LHX6: variants seen among roughly 807,000 people sequenced by gnomAD.
The protein encoded by LHX6 is LIM homeobox 6.
Under a neutral mutation model 47.1 loss-of-function variants are expected in LHX6, and 15 were observed. That is an observed-to-expected ratio of 0.32 (90% CI 0.21 to 0.49). LHX6 has a LOEUF of 0.49. LHX6 is among the 20% of genes least tolerant of loss of function. The pLI is 0.99. For missense variants in LHX6, 404 were observed against 539.6 expected (o/e 0.75, Z 2.49); for synonymous variants, 242 against 233.5 (o/e 1.04, Z -0.33).
In LHX6 at chr9:122,213,980, G is replaced by T. The variant is rs1830493994; in HGVS notation, c.873C>A (p.Val291=). ...LADMTGLSRR[V]IQVWFQNCRA... ...CCGCCCACCCCCGTCCCACCTGGAT[G>T]ACTCTCCGGCTGAGGCCCGTCATGT... The change falls in exon 7 of 10, where the codon GTC becomes GTA. Residue 291 remains valine, a synonymous_variant. Coordinates refer to ENST00000394319, the MANE Select transcript of LHX6 (RefSeq NM_014368.5). The surrounding 1 kb of genome is among the most constrained non-coding windows in gnomAD (Gnocchi z 5.5). The T allele has an allele frequency of 2.1e-6, 3 of 1,416,514 alleles. No homozygotes were observed. In the Admixed American group the frequency reaches 5.0e-5, roughly 24 times the overall value. 87.7% of individuals were successfully genotyped at this position (1,416,514 alleles called of 1,614,324 possible).
At chr9:122,205,904 G>A (rs553684940) in intron 9 of LHX6, among the ~76,000 whole-genome samples, 2 of 152,140 alleles carry the variant, frequency 1.3e-5, no homozygotes, top group East Asian at 1.9e-4. Context: ...CTGGGATTCC[G>A]AGCTGGCCTA....
chr9:122,216,467 G>C (rs920927234), intron 5 of LHX6, among the ~76,000 whole-genome samples: 5 of 152,214 alleles, frequency 3.3e-5, no homozygotes, highest in African/African-American at 1.2e-4. Flanking sequence ...CTGAGGCCCA[G>C]AGAGAAAAGG....
intron 5 of LHX6, among the ~76,000 whole-genome samples, chr9:122,216,553 A>G (rs577636819): frequency 6.6e-6 from 1 of 152,320 alleles, no homozygotes; most frequent in Admixed American, 6.5e-5. Flanking sequence ...CCTTATAGTT[A>G]GAGACCCTGG....
Position 122,207,894 on chromosome 9 carries a change from G to A in LHX6, c.1158+1720C>T, listed in dbSNP as rs1304127388. Among the ~76,000 whole-genome samples the A allele has an allele frequency of 4.6e-5, 7 of 152,124 alleles. No individual in the cohort carries two copies. The South Asian group carries it at 1.5e-3, about 32-fold the overall frequency. On this transcript the variant is annotated intron_variant, in intron 9 of 9. Transcript: ENST00000394319. ...CTGAGAGCGAGGCTTAGGAATCTCT[G>A]TATATTTACAAGCTGCCCAGGTGAT... is the stretch of plus-strand genomic sequence containing the variant.
chr9:122,227,566 T>TTA, intron 1 of LHX6, 86 bp from the exon 2 acceptor site: 1 of 1,432,176 alleles, frequency 7.0e-7, no homozygotes, highest in South Asian at 1.4e-5. Flanking sequence ...CCCGCGCCTG[T>TTA]TATATAAACC....
Position 122,213,966 on chromosome 9 carries a change from C to CCGGCCCCCCGGGG in LHX6, c.879+7_879+8insCCCCGGGGGGCCG. ...GCGGTCCCCAGGCCCCGCCCACCCC[C>CCGGCCCCCCGGGG]GTCCCACCTGGATGACTCTCCGGCT... On this transcript the variant is annotated splice_region_variant and intron_variant, in intron 7 of 9. Transcript: ENST00000394319. The surrounding 1 kb of genome is among the most constrained non-coding windows in gnomAD (Gnocchi z 5.5). 1.3e-6 allele frequency: 2 copies of CCGGCCCCCCGGGG among 1,580,106 alleles called. No individual in the cohort carries two copies. Among genetic ancestry groups the CCGGCCCCCCGGGG allele is most frequent in the Non-Finnish European group, 1.7e-6 (2 of 1,161,518 alleles).
At chr9:122,208,653 G>A (rs1039614086) in intron 9 of LHX6, among the ~76,000 whole-genome samples, 4 of 151,890 alleles carry the variant, frequency 2.6e-5, no homozygotes, top group Non-Finnish European at 4.4e-5. Context: ...CCTACGTGGC[G>A]AAACCCCATC....
At chr9:122,208,833 C>CT (rs1441892825) in intron 9 of LHX6, among the ~76,000 whole-genome samples, 741 of 48,112 alleles carry the variant, frequency 0.015, 5 homozygotes, top group African/African-American at 0.051. Context: ...GAAACTCTGT[C>CT]TAAAAAAAAA....
intron 4 of LHX6, among the ~76,000 whole-genome samples, chr9:122,220,843 C>A (rs906526689): frequency 6.6e-6 from 1 of 152,220 alleles, no homozygotes; most frequent in East Asian, 1.9e-4. Flanking sequence ...ATGAAGGGAG[C>A]CCTGCGCCCT....
At chr9:122,228,261 C>T in intron 1 of LHX6, 1 of 1,534,874 alleles carries the variant, frequency 6.5e-7, no homozygotes. Flanking sequence ...GAGAGGCGCT[C>T]AAGGGGAGGA....
chr9:122,221,390 C>A, intron 4 of LHX6: 1 of 985,664 alleles, frequency 1.0e-6, no homozygotes, highest in Non-Finnish European at 1.2e-6. Flanking sequence ...GGCCGCTTCC[C>A]GCTCTGCGCT....
Position 122,226,920 on chromosome 9 carries a change from G to T in LHX6, c.267C>A (p.Ser89=). Residue 89 remains serine (S), a synonymous_variant, in exon 3 of 10, where the codon TCC becomes TCA. Coordinates refer to ENST00000394319, the MANE Select transcript of LHX6 (RefSeq NM_014368.5). The surrounding 1 kb of genome is among the most constrained non-coding windows in gnomAD (Gnocchi z 6.5). ...TGTTCTTGCCTGCAGACGGCACGGA[G>T]GAGGCGGCAGAGGGCGGTGAGCAGA... ...PSVCSPPSAA[S]SVPSAGKNIC... 1 of 1,561,988 alleles carries T rather than the reference G, an allele frequency of 6.4e-7. No homozygotes were observed. The highest frequency in any genetic ancestry group is 8.7e-7 in the Non-Finnish European group (1 of 1,153,082).
At chr9:122,215,043 C>T (rs1322193135) in intron 5 of LHX6, among the ~76,000 whole-genome samples, 1 of 152,218 alleles carries the variant, frequency 6.6e-6, no homozygotes, top group Non-Finnish European at 1.5e-5. Context: ...CTTTTACAGT[C>T]ATACTAAAAC....
rs1362989140 is a variant in LHX6 at position 122,214,941 on chromosome 9, T to C, written c.683-558A>G. On this transcript the variant is annotated intron_variant, in intron 5 of 9. Transcript: ENST00000394319. This position sits in a 1 kb window ranked among gnomAD's most constrained non-coding sequence, Gnocchi z 4.6. ...TTCAGTATTCCTGTAACTTTTGAGGTATTTAAAAACAATCATATGTTGCCT... is the reference window on the plus strand; with the variant it reads ...TTCAGTATTCCTGTAACTTTTGAGGCATTTAAAAACAATCATATGTTGCCT... Among the ~76,000 whole-genome samples the C allele has an allele frequency of 6.6e-6, 1 of 152,254 alleles. No individual in the cohort carries two copies. Among genetic ancestry groups the C allele is most frequent in the Admixed American group, 6.5e-5 (1 of 15,282 alleles).
chr9:122,221,083 G>A (rs1342245801), intron 4 of LHX6: 3 of 985,390 alleles, frequency 3.0e-6, no homozygotes, highest in Non-Finnish European at 3.6e-6. Context: ...AACTCAAACG[G>A]AGGTTCACTT....
At chr9:122,204,906 GCT>G (rs1198816836) in intron 9 of LHX6, 126 bp from the exon 10 acceptor site, 1 of 567,560 alleles carries the variant, frequency 1.8e-6, no homozygotes, top group Non-Finnish European at 2.9e-6. Flanking sequence ...TTAAATCCTG[GCT>G]CTGTCAACTG....
intron 8 of LHX6, among the ~76,000 whole-genome samples, chr9:122,212,647 G>A (rs970731406): frequency 4.6e-5 from 7 of 152,086 alleles, no homozygotes; most frequent in African/African-American, 1.7e-4. Context: ...AGAAATCCCC[G>A]GGGCTCCTCC....
rs1200432580 is a variant in LHX6 at position 122,216,072 on chromosome 9, TG to T, written c.682+995del. 2.0e-5 allele frequency among the ~76,000 whole-genome samples: 3 copies of T among 152,146 alleles called. No individual in the cohort carries two copies. The East Asian group carries it at 5.8e-4, about 29-fold the overall frequency. ...TGGTGTGGTATGGTATGATATGGTA[TG>T]GTATGGTAGTTAAGAGGCTGGGCTT... On this transcript the variant is annotated intron_variant, in intron 5 of 9. Coordinates refer to ENST00000394319, the MANE Select transcript of LHX6 (RefSeq NM_014368.5).
chr9:122,209,511 C>A, intron 9 of LHX6, 103 bp downstream of exon 9: 1 of 1,546,076 alleles, frequency 6.5e-7, no homozygotes, highest in Middle Eastern at 1.7e-4. Flanking sequence ...ACAGGGTCTG[C>A]CACAGCGCAG....
Sources: allele counts gnomAD v4.1 joint callset (sites outside exome capture counted in the v4.1 genomes callset), GRCh38; gene constraint gnomAD v4.1.1; non-coding constraint Gnocchi (gnomAD v3.1); transcripts MANE v1.5; gene names NCBI Gene and HGNC (gene_info 2026-07-23, HGNC 2026-07-21).